Variants in TRABD2B observed in about 807,000 individuals in gnomAD.
TRABD2B encodes the protein metalloprotease TIKI2.
In TRABD2B, 14 loss-of-function variants were observed where a neutral mutation model predicts 40.1. The ratio of observed to expected loss-of-function variants is 0.35; its 90% CI spans 0.23 to 0.55. The LOEUF (loss-of-function observed/expected upper bound fraction) is 0.55. Ranked by LOEUF, TRABD2B falls within the 20% of genes least tolerant of loss-of-function variation. TRABD2B has a pLI of 0.90. For missense variants in TRABD2B, 541 were observed against 648.6 expected (o/e 0.83, Z 1.80); for synonymous variants, 263 against 277.0 (o/e 0.95, Z 0.50).
At chr1:47,897,634 T>C (rs960426700) in intron 2 of TRABD2B, among the ~76,000 whole-genome samples, 3 of 152,206 alleles carry the variant, frequency 2.0e-5, no homozygotes, top group African/African-American at 7.2e-5. Flanking sequence ...ATCACCTTTC[T>C]TCGTAACTAC....
chr1:47,856,475 A>G (rs1285765509), intron 2 of TRABD2B, among the ~76,000 whole-genome samples: 1 of 152,254 alleles, frequency 6.6e-6, no homozygotes, highest in Non-Finnish European at 1.5e-5. Context: ...GTTTGGGCTT[A>G]GAATACCATC....
At chr1:47,870,923 T>G (rs930082345) in intron 2 of TRABD2B, among the ~76,000 whole-genome samples, 89 of 152,290 alleles carry the variant, frequency 5.8e-4, no homozygotes, top group African/African-American at 2.0e-3. Flanking sequence ...ATATGAAGAA[T>G]GTGGAGGCAC....
intron 2 of TRABD2B, chr1:47,819,063 G>A (rs1290803282): frequency 1.3e-5 from 2 of 152,272 alleles, no homozygotes; most frequent in African/African-American, 4.8e-5. Flanking sequence ...CCATCCCAGT[G>A]CTGACAAGCC....
intron 2 of TRABD2B, among the ~76,000 whole-genome samples, chr1:47,845,105 C>T (rs371156415): frequency 3.9e-5 from 6 of 152,270 alleles, no homozygotes; most frequent in East Asian, 1.9e-4. Context: ...TGGTCAGGTG[C>T]GTGCTCGTGA....
chr1:47,883,986 T>G (rs568963231), intron 2 of TRABD2B, among the ~76,000 whole-genome samples: 3 of 152,348 alleles, frequency 2.0e-5, no homozygotes, highest in African/African-American at 7.2e-5. Flanking sequence ...ATGATTGTGC[T>G]TGACCCCCAG....
At chr1:47,772,379 C>T (rs1644388249) in intron 6 of TRABD2B, among the ~76,000 whole-genome samples, 1 of 151,534 alleles carries the variant, frequency 6.6e-6, no homozygotes, top group South Asian at 2.1e-4. Context: ...TCGGGTGGCA[C>T]TCAGCCTGGT....
chr1:47,965,215 GGGGGGGGTGGGGGGGGTGGAT>G (rs1645583154), intron 2 of TRABD2B, among the ~76,000 whole-genome samples: 1 of 84,076 alleles, frequency 1.2e-5, no homozygotes, highest in Non-Finnish European at 2.4e-5. Context: ...GGGGGGTGGA[GGGGGGGGTGGGGGGGGTGGAT>G]GGGGAGGTGG....
At chr1:47,790,542 A>G (rs1264296146) in intron 4 of TRABD2B, among the ~76,000 whole-genome samples, 4 of 152,368 alleles carry the variant, frequency 2.6e-5, no homozygotes, top group Admixed American at 2.6e-4. Context: ...TGCTAAGAGT[A>G]TTTCATGAGA....
intron 2 of TRABD2B, among the ~76,000 whole-genome samples, chr1:47,841,817 C>T (rs1427749487): frequency 1.4e-5 from 2 of 147,654 alleles, no homozygotes; most frequent in African/African-American, 2.5e-5. Flanking sequence ...CAGAGTCTCG[C>T]TCTGTCATGC....
chr1:47,856,845 G>A (rs1245257553), intron 2 of TRABD2B, among the ~76,000 whole-genome samples: 6 of 152,308 alleles, frequency 3.9e-5, no homozygotes, highest in Non-Finnish European at 7.4e-5. Context: ...CCTGGGCCCC[G>A]CAGGCAGAGA....
chr1:47,886,345 C>T (rs910957472), intron 2 of TRABD2B, among the ~76,000 whole-genome samples: 1 of 152,196 alleles, frequency 6.6e-6, no homozygotes, highest in African/African-American at 2.4e-5. Context: ...AAGTGTTGGC[C>T]GTTCCACTCG....
chr1:47,769,327 G>A (rs773724829), intron 6 of TRABD2B, among the ~76,000 whole-genome samples: 4 of 152,220 alleles, frequency 2.6e-5, no homozygotes, highest in South Asian at 2.1e-4. Context: ...TGAGGTGCCC[G>A]GAGCTGGGGC....
intron 2 of TRABD2B, among the ~76,000 whole-genome samples, chr1:47,806,506 C>A (rs1314036164): frequency 6.6e-6 from 1 of 152,148 alleles, no homozygotes; most frequent in Non-Finnish European, 1.5e-5. Context: ...TATGATAAGG[C>A]TTTGACATGG....
chr1:47,934,336 C>T (rs1360254892), intron 2 of TRABD2B, among the ~76,000 whole-genome samples: 1 of 152,208 alleles, frequency 6.6e-6, no homozygotes, highest in Non-Finnish European at 1.5e-5. Context: ...CCCATTCCCA[C>T]ACCCCCTCCC....
At chr1:47,951,862 G>A (rs527343757) in intron 2 of TRABD2B, among the ~76,000 whole-genome samples, 63 of 152,242 alleles carry the variant, frequency 4.1e-4, no homozygotes, top group Middle Eastern at 6.8e-3. Flanking sequence ...GATGTGCCCC[G>A]CTCAATGTCA....
At chr1:47,837,639 C>T (rs899472718) in intron 2 of TRABD2B, among the ~76,000 whole-genome samples, 2 of 152,148 alleles carry the variant, frequency 1.3e-5, no homozygotes, top group Admixed American at 1.3e-4. Flanking sequence ...GAGAGAGAGA[C>T]GAACCGGGCT....
At chr1:47,832,434 G>A (rs1645263365) in intron 2 of TRABD2B, among the ~76,000 whole-genome samples, 1 of 152,126 alleles carries the variant, frequency 6.6e-6, no homozygotes, top group Non-Finnish European at 1.5e-5. Context: ...TGCAGAATAG[G>A]GATAACAATA....
At chr1:47,855,188 T>G (rs1179496988) in intron 2 of TRABD2B, among the ~76,000 whole-genome samples, 1 of 152,252 alleles carries the variant, frequency 6.6e-6, no homozygotes, top group African/African-American at 2.4e-5. Flanking sequence ...TATCTATGTA[T>G]TTGCTACTGA....
chr1:47,994,341 C>T lies in TRABD2B; in HGVS notation c.359G>A (p.Arg120His), dbSNP rs1245315021. The change falls in exon 2 of 7, where the codon CGC (arginine) becomes CAC (histidine). Residue 120 changes from arginine to histidine, a missense_variant. By Grantham distance (29) the Arg-to-His change is conservative. Around this residue, in one of 2 missense-constraint regions of TRABD2B, gnomAD observed 369 missense variants for 492.8 expected, o/e 0.75. Transcript: ENST00000606738. This position sits in a 1 kb window ranked among gnomAD's most constrained non-coding sequence, Gnocchi z 6.7. ...QDVLPHELYW[R>H]LKRHLDYVKL... ...CACGTAGTCCAGGTGGCGCTTCAAG[C>T]GCCAGTAAAGCTCGTGGGGCAGCAC... 2 of 1,536,238 alleles carry T rather than the reference C, an allele frequency of 1.3e-6. No homozygotes were observed. The highest frequency in any genetic ancestry group is 1.7e-6 in the Non-Finnish European group (2 of 1,146,934).
Sources: gnomAD v4.1 joint callset for allele counts (sites outside exome capture counted in the v4.1 genomes callset) on GRCh38, gnomAD v4.1.1 for gene constraint, gnomAD v4.1.1 regional missense constraint, Gnocchi (gnomAD v3.1) non-coding constraint, MANE v1.5 for transcripts, NCBI Gene and HGNC (gene_info 2026-07-23, HGNC 2026-07-21) for gene names.